LDLRAD3: variants seen among roughly 807,000 people sequenced by gnomAD.
LDLRAD3 encodes low density lipoprotein receptor class A domain containing 3, also known as low-density lipoprotein receptor class A domain-containing protein 3.
LDLRAD3 carries 20 observed loss-of-function variants against 29.4 expected under a neutral mutation model. That is an observed-to-expected ratio of 0.68 (90% CI 0.48 to 0.99). LDLRAD3 has a LOEUF of 0.99. Ranked by LOEUF, LDLRAD3 falls within the 50% of genes least tolerant of loss-of-function variation. The probability of loss-of-function intolerance (pLI) is 0.00; values close to 1 mark genes in which losing one functional copy is unlikely to be tolerated. For missense variants in LDLRAD3, 420 were observed against 454.3 expected (o/e 0.92, Z 0.69); for synonymous variants, 157 against 192.7 (o/e 0.81, Z 1.53).
chr11:36,223,529 G>A (rs921801345), intron 4 of LDLRAD3, among the ~76,000 whole-genome samples: 5 of 152,038 alleles, frequency 3.3e-5, no homozygotes, highest in Non-Finnish European at 5.9e-5. Context: ...AGGAGTTCAA[G>A]ACCAGCCTGG....
chr11:35,981,745 T>A (rs982170202), intron 1 of LDLRAD3, among the ~76,000 whole-genome samples: 6 of 152,182 alleles, frequency 3.9e-5, no homozygotes, highest in Non-Finnish European at 7.3e-5. Flanking sequence ...TCCCATCAAG[T>A]TGGCATTTCC....
At chr11:36,164,195 A>C (rs898579709) in intron 4 of LDLRAD3, among the ~76,000 whole-genome samples, 14 of 152,202 alleles carry the variant, frequency 9.2e-5, no homozygotes, top group African/African-American at 3.4e-4. Context: ...ACAAGCTTCC[A>C]TGGTGATGAA....
chr11:36,229,502 C>T lies in LDLRAD3; in HGVS notation c.*105C>T. 1 of 760,392 alleles carries T rather than the reference C, an allele frequency of 1.3e-6. No individual in the cohort carries two copies. The highest frequency in any genetic ancestry group is 2.2e-6 in the Non-Finnish European group (1 of 455,262). 47.1% of individuals were successfully genotyped at this position (760,392 alleles called of 1,614,324 possible). ...TCTTTAAGCACCTGTAAGGGTGTCTCAAGTTACAGTTTGGGATATTAACTA... is the reference window on the plus strand; with the variant it reads ...TCTTTAAGCACCTGTAAGGGTGTCTTAAGTTACAGTTTGGGATATTAACTA... On this transcript the variant is annotated 3_prime_UTR_variant, in exon 6 of 6. Coordinates refer to ENST00000315571, the MANE Select transcript of LDLRAD3 (RefSeq NM_174902.4).
chr11:36,150,124 G>A (rs2133326655), intron 4 of LDLRAD3, among the ~76,000 whole-genome samples: 1 of 152,338 alleles, frequency 6.6e-6, no homozygotes, highest in South Asian at 2.1e-4. Context: ...CCCATCTCTA[G>A]GGAAGAACAA....
chr11:36,066,173 T>C (rs1362839620), intron 2 of LDLRAD3, among the ~76,000 whole-genome samples: 1 of 151,800 alleles, frequency 6.6e-6, no homozygotes, highest in Non-Finnish European at 1.5e-5. Flanking sequence ...TTTTTTTTTT[T>C]TCTTACTTTT....
chr11:36,040,480 C>T (rs1852366594), intron 2 of LDLRAD3, among the ~76,000 whole-genome samples: 1 of 152,136 alleles, frequency 6.6e-6, no homozygotes, highest in Non-Finnish European at 1.5e-5. Flanking sequence ...TCTCATGTAA[C>T]ATTTCAACCT....
At chr11:35,963,592 C>T (rs1024136737) in intron 1 of LDLRAD3, among the ~76,000 whole-genome samples, 10 of 152,136 alleles carry the variant, frequency 6.6e-5, no homozygotes, top group African/African-American at 2.4e-4. Flanking sequence ...GCTTTCTTTG[C>T]GGAAAACAGC....
chr11:36,220,917 A>C (rs1855417562), intron 4 of LDLRAD3, among the ~76,000 whole-genome samples: 1 of 152,206 alleles, frequency 6.6e-6, no homozygotes, highest in Admixed American at 6.5e-5. Flanking sequence ...CTAACTTTTA[A>C]AATATATAAT....
At chr11:35,982,531 C>T (rs1851554655) in intron 1 of LDLRAD3, among the ~76,000 whole-genome samples, 1 of 152,178 alleles carries the variant, frequency 6.6e-6, no homozygotes, top group Admixed American at 6.5e-5. Context: ...TTGGGGGACA[C>T]ATTTCAACCC....
chr11:36,225,539 G>A (rs1240092575), intron 4 of LDLRAD3, among the ~76,000 whole-genome samples: 1 of 152,150 alleles, frequency 6.6e-6, no homozygotes. Context: ...AACTCCCGAG[G>A]AAGTGCCTGC....
At chr11:36,204,009 T>C (rs1488191105) in intron 4 of LDLRAD3, among the ~76,000 whole-genome samples, 1 of 56,562 alleles carries the variant, frequency 1.8e-5, no homozygotes, top group Non-Finnish European at 3.9e-5. Context: ...CAATGGCTTT[T>C]AGTTTAAAAA....
chr11:36,041,642 A>C (rs558514088), intron 2 of LDLRAD3, among the ~76,000 whole-genome samples: 1 of 152,236 alleles, frequency 6.6e-6, no homozygotes, highest in South Asian at 2.1e-4. Context: ...GCAGCAGTCC[A>C]AATTTCCAGA....
At position 36,195,786 on chromosome 11, in the gene LDLRAD3, G is replaced by C. The variant is rs1388660947; in HGVS notation, c.455-31299G>C. ...AAGACACTTGACCCAGCAGTGACAT[G>C]GTGAATTTGGCATTGAAGCAGGAAA... is the stretch of plus-strand genomic sequence containing the variant. On this transcript the variant is annotated intron_variant, in intron 4 of 5. Transcript: ENST00000315571. Among the ~76,000 whole-genome samples the C allele has an allele frequency of 3.9e-5, 6 of 152,234 alleles. No individual in the cohort carries two copies. The East Asian group carries it at 1.2e-3, about 29-fold the overall frequency.
At chr11:36,144,578 G>A (rs1452583504) in intron 4 of LDLRAD3, among the ~76,000 whole-genome samples, 13 of 147,688 alleles carry the variant, frequency 8.8e-5, no homozygotes, top group Admixed American at 6.7e-5. Context: ...CTGCCCGGCC[G>A]CCCCGTCTGA....
chr11:35,971,194 C>T (rs749590522), intron 1 of LDLRAD3, among the ~76,000 whole-genome samples: 1 of 152,206 alleles, frequency 6.6e-6, no homozygotes, highest in Non-Finnish European at 1.5e-5. Flanking sequence ...CTACACTACC[C>T]TTCCATCTGG....
chr11:35,977,278 C>T (rs762604831), intron 1 of LDLRAD3, among the ~76,000 whole-genome samples: 73 of 152,176 alleles, frequency 4.8e-4, no homozygotes, highest in African/African-American at 8.0e-4. Context: ...GGATGGGCTC[C>T]GTCTTCTTAA....
At chr11:36,170,313 C>CCTATATAT (rs146629970) in intron 4 of LDLRAD3, among the ~76,000 whole-genome samples, 1 of 145,552 alleles carries the variant, frequency 6.9e-6, no homozygotes, top group Non-Finnish European at 1.5e-5. Context: ...TACATATATA[C>CCTATATAT]GTATATATGT....
chr11:36,012,391 A>C (rs1230249901), intron 1 of LDLRAD3, among the ~76,000 whole-genome samples: 2 of 152,178 alleles, frequency 1.3e-5, no homozygotes, highest in African/African-American at 4.8e-5. Flanking sequence ...CCTCAGCATA[A>C]GTTTTTTTTC....
rs141923350 is a variant in LDLRAD3 at position 36,132,421 on chromosome 11, TAC to T, written c.454+33964_454+33965del. Reference sequence around the variant, plus strand: ...AGCAATAATGCAGCGTGGCTAAACTTACACAGTGTTGACTGTGTGCCCAACAC... The same window carrying T: ...AGCAATAATGCAGCGTGGCTAAACTTACAGTGTTGACTGTGTGCCCAACAC... On this transcript the variant is annotated intron_variant, in intron 4 of 5. Coordinates refer to ENST00000315571, the MANE Select transcript of LDLRAD3 (RefSeq NM_174902.4). Among the ~76,000 whole-genome samples, 942 of 152,326 alleles carry T rather than the reference TAC, an allele frequency of 6.2e-3. 11 individuals carry two copies. Among genetic ancestry groups the T allele is most frequent in the African/African-American group, 0.021 (858 of 41,572 alleles).
Sources: gnomAD v4.1 joint callset for allele counts (sites outside exome capture counted in the v4.1 genomes callset) on GRCh38, gnomAD v4.1.1 for gene constraint, MANE v1.5 for transcripts, NCBI Gene and HGNC (gene_info 2026-07-23, HGNC 2026-07-21) for gene names.